The following MYO1B variants were observed in gnomAD, a reference collection of about 807,000 sequenced individuals.
MYO1B encodes the protein myosin IB.
MYO1B carries 72 observed loss-of-function variants against 159.7 expected under a neutral mutation model. That is an observed-to-expected ratio of 0.45 (90% confidence interval 0.37 to 0.55). The LOEUF is 0.55. MYO1B is among the 20% of genes least tolerant of loss of function. The pLI is 0.00. For missense variants in MYO1B, 1,062 were observed against 1,364.8 expected, an observed-to-expected ratio of 0.78 and a Z score of 3.50; for synonymous variants, 468 against 473.8, an observed-to-expected ratio of 0.99 and a Z score of 0.16.
At position 191,363,759 on chromosome 2, in the gene MYO1B, A is replaced by G; in HGVS notation, c.797A>G (p.His266Arg). 6.2e-7 allele frequency: 1 copy of G among 1,613,772 alleles called. No individual in the cohort carries two copies. The highest frequency in any genetic ancestry group is 8.5e-7 in the Non-Finnish European group (1 of 1,179,904). The change falls in exon 10 of 31, where the codon CAT (histidine) becomes CGT (arginine). Residue 266 changes from histidine (H) to arginine (R), a missense_variant. His to Arg is a conservative substitution (Grantham distance 29). Transcript: ENST00000392318. ...NAMQIVGFMDHEAESVLAVVA... is the reference protein window; with the variant it reads ...NAMQIVGFMDREAESVLAVVA... ...ATGCAGATTGTGGGCTTTATGGATC[A>G]TGAAGCTGAGTCTGTCTTGGCGGTG...
At position 191,277,020 on chromosome 2, in the gene MYO1B, G is replaced by A; in HGVS notation, c.125G>A (p.Ser42Asn). ...AACCTCAAGAAGCGCTTTGACCACA[G>A]TGAAATATACGTAAGTACACACGAA... ...INNLKKRFDH[S>N]EIYTYIGSVV... Residue 42 changes from serine to asparagine, a missense_variant, in exon 2 of 31, where the codon AGT (serine) becomes AAT (asparagine). This residue lies in a region of MYO1B where 415 missense variants were observed against 544.0 expected (regional missense o/e 0.76). Transcript: ENST00000392318. 6.2e-7 allele frequency: 1 copy of A among 1,613,520 alleles called. No homozygotes were observed. Among genetic ancestry groups the A allele is most frequent in the Non-Finnish European group, 8.5e-7 (1 of 1,179,854 alleles).
intron 7 of MYO1B, among the ~76,000 whole-genome samples, chr2:191,359,291 T>G (rs573484771): frequency 6.7e-6 from 1 of 149,572 alleles, no homozygotes; most frequent in Admixed American, 6.8e-5. Context: ...TATATCCCAC[T>G]TGTACTTTTC....
chr2:191,345,617 T>C (rs1390565005), intron 5 of MYO1B, among the ~76,000 whole-genome samples: 1 of 152,216 alleles, frequency 6.6e-6, no homozygotes, highest in Non-Finnish European at 1.5e-5. Context: ...TTGTTTTTCT[T>C]TGTTGTCTGG....
At chr2:191,418,064 A>G (rs932753982) in intron 30 of MYO1B, among the ~76,000 whole-genome samples, 6 of 152,236 alleles carry the variant, frequency 3.9e-5, no homozygotes, top group Non-Finnish European at 5.9e-5. Flanking sequence ...GGGTAGCATT[A>G]TAATGCCTTT....
At chr2:191,418,178 T>A (rs1175449734) in intron 30 of MYO1B, among the ~76,000 whole-genome samples, 1 of 152,200 alleles carries the variant, frequency 6.6e-6, no homozygotes, top group African/African-American at 2.4e-5. Context: ...ACAGGAAGCC[T>A]GCAGAGGAAG....
intron 3 of MYO1B, among the ~76,000 whole-genome samples, chr2:191,302,615 G>A (rs960276521): frequency 2.0e-5 from 3 of 152,210 alleles, no homozygotes; most frequent in African/African-American, 7.2e-5. Flanking sequence ...CAGAAGAAGA[G>A]TGTATTGTGG....
intron 24 of MYO1B, among the ~76,000 whole-genome samples, chr2:191,405,091 C>T (rs971709743): frequency 3.9e-5 from 6 of 152,196 alleles, no homozygotes; most frequent in African/African-American, 1.2e-4. Context: ...GTTTTGTCAA[C>T]TAAGCTTATG....
chr2:191,320,761 AGCCCTGTGAG>A (rs1458487638), intron 3 of MYO1B, among the ~76,000 whole-genome samples: 1 of 152,110 alleles, frequency 6.6e-6, no homozygotes, highest in Non-Finnish European at 1.5e-5. Context: ...TCCTCTGCAC[AGCCCTGTGAG>A]GCTTCAAGCA....
chr2:191,374,092 TC>T (rs1369804612), intron 13 of MYO1B, among the ~76,000 whole-genome samples: 4 of 152,166 alleles, frequency 2.6e-5, no homozygotes, highest in African/African-American at 9.7e-5. Flanking sequence ...TCACATACAT[TC>T]CCAGATGCCA....
At chr2:191,410,311 C>A (rs1408451077) in intron 26 of MYO1B, among the ~76,000 whole-genome samples, 1 of 152,144 alleles carries the variant, frequency 6.6e-6, no homozygotes, top group Non-Finnish European at 1.5e-5. Context: ...AAAGGGTCAG[C>A]AGCAATGCTC....
chr2:191,359,246 A>G (rs1189015348), intron 7 of MYO1B, among the ~76,000 whole-genome samples: 1 of 150,000 alleles, frequency 6.7e-6, no homozygotes, highest in Non-Finnish European at 1.5e-5. Context: ...TTTTTTAGAG[A>G]TGGTAACTAT....
At chr2:191,404,457 A>T (rs1398722849) in intron 24 of MYO1B, among the ~76,000 whole-genome samples, 1 of 152,224 alleles carries the variant, frequency 6.6e-6, no homozygotes, top group Non-Finnish European at 1.5e-5. Flanking sequence ...TTATAATTTC[A>T]GGAGCCAATT....
chr2:191,248,791 G>C lies in MYO1B; in HGVS notation c.-10+3165G>C, dbSNP rs1331217925. Reference sequence around the variant, plus strand: ...AGTCCATACTCTTTAGGTATATACTGTATGGTATGATGTATTTTAATAATA... The same window carrying C: ...AGTCCATACTCTTTAGGTATATACTCTATGGTATGATGTATTTTAATAATA... On this transcript the variant is annotated intron_variant, in intron 1 of 30. Transcript: ENST00000392318. Among the ~76,000 whole-genome samples, 10 of 152,292 alleles carry C rather than the reference G, an allele frequency of 6.6e-5. No individual in the cohort carries two copies. In the East Asian group the frequency reaches 9.6e-4, roughly 15 times the overall value.
rs564284936 is a variant in MYO1B, at chr2:191,390,170, G to A, written c.1782-122G>A. On this transcript the variant is annotated intron_variant, in intron 17 of 30. Coordinates refer to ENST00000392318, the MANE Select transcript of MYO1B (RefSeq NM_001130158.3). ...GAAATAATTTCAAAAGTAATGACTA[G>A]GTTTCTTAAGAATAACATAATTGTT... The A allele has an allele frequency of 6.2e-5, 54 of 873,152 alleles. No homozygotes were observed. In the East Asian group the frequency reaches 1.4e-3, roughly 23 times the overall value. 54.1% of individuals were successfully genotyped at this position (873,152 alleles called of 1,614,324 possible). A position where few individuals can be genotyped will look rare whatever the true frequency, so the allele number is the denominator to read the frequency against.
At chr2:191,389,499 C>T (rs796944737) in intron 17 of MYO1B, among the ~76,000 whole-genome samples, 18 of 152,328 alleles carry the variant, frequency 1.2e-4, no homozygotes, top group African/African-American at 3.8e-4. Context: ...TGGCTGTCCA[C>T]CGTGTCAACA....
intron 30 of MYO1B, among the ~76,000 whole-genome samples, chr2:191,416,705 T>G (rs1407242779): frequency 6.6e-6 from 1 of 151,866 alleles, no homozygotes; most frequent in East Asian, 1.9e-4. Flanking sequence ...TCCCAGCTAC[T>G]CAAGAGGCTG....
chr2:191,253,117 G>A (rs897331329), intron 1 of MYO1B, among the ~76,000 whole-genome samples: 1 of 152,104 alleles, frequency 6.6e-6, no homozygotes, highest in African/African-American at 2.4e-5. Context: ...AAATGTTCCT[G>A]TAAAAAGGGT....
chr2:191,283,084 A>G (rs191782732), intron 2 of MYO1B, among the ~76,000 whole-genome samples: 1 of 152,350 alleles, frequency 6.6e-6, no homozygotes, highest in East Asian at 1.9e-4. Flanking sequence ...TCTGAGCACC[A>G]TCTATCTCTT....
intron 3 of MYO1B, among the ~76,000 whole-genome samples, chr2:191,307,411 C>A (rs535906167): frequency 1.3e-5 from 2 of 152,236 alleles, no homozygotes; most frequent in South Asian, 4.2e-4. Flanking sequence ...GTGTTTTAGC[C>A]AGCTTCTTTA....
Sources: allele counts gnomAD v4.1 joint callset (sites outside exome capture counted in the v4.1 genomes callset), GRCh38; gene constraint gnomAD v4.1.1; regional missense constraint gnomAD v4.1.1; transcripts MANE v1.5; gene names NCBI Gene and HGNC (gene_info 2026-07-23, HGNC 2026-07-21).